CDCA3: variants seen among roughly 807,000 people sequenced by gnomAD.
The protein encoded by CDCA3 is cell division cycle-associated protein 3.
CDCA3 carries 16 observed loss-of-function variants against 29.1 expected under a neutral mutation model. The ratio of observed to expected loss-of-function variants is 0.55; its 90% CI spans 0.37 to 0.83. CDCA3 has a LOEUF of 0.83. CDCA3 is among the 40% of genes least tolerant of loss of function. The probability of loss-of-function intolerance (pLI) is 0.00; values close to 1 mark genes in which losing one functional copy is unlikely to be tolerated. For missense variants in CDCA3, 291 were observed against 327.2 expected, an observed-to-expected ratio of 0.89 and a Z score of 0.85; for synonymous variants, 88 against 124.5, an observed-to-expected ratio of 0.71 and a Z score of 1.95.
chr12:6,847,667 T>C (rs781814664), downstream of CDCA3, among the ~76,000 whole-genome samples: 10 of 152,160 alleles, frequency 6.6e-5, no homozygotes, highest in Non-Finnish European at 1.5e-4. Flanking sequence ...AGGTCTTGAA[T>C]GTCAAGCCAG....
rs367726225 is a variant in CDCA3 at position 6,850,485 on chromosome 12, T to C, written c.232A>G (p.Met78Val). 44 of 1,614,022 alleles carry C rather than the reference T, an allele frequency of 2.7e-5. No individual in the cohort carries two copies. The African/African-American group carries it at 3.3e-4, about 12-fold the overall frequency. The change falls in exon 3 of 6, where the codon ATG becomes GTG. Residue 78 changes from methionine to valine, a missense_variant. Transcript: ENST00000538862. The surrounding 1 kb of genome is among the most constrained non-coding windows in gnomAD (Gnocchi z 4.7). Reference sequence around the variant, plus strand: ...CGCTTACCTCCACTGCTGGTCTTCATAGGTGTCCGTGCAATACCAAGAGTA... The same window carrying C: ...CGCTTACCTCCACTGCTGGTCTTCACAGGTGTCCGTGCAATACCAAGAGTA... ...SPTLGIARTP[M>V]KTSSGDPPSP...
Position 6,848,830 on chromosome 12 carries a change from C to T in CDCA3, c.*213G>A, listed in dbSNP as rs782635325. On this transcript the variant is annotated 3_prime_UTR_variant, in exon 6 of 6. Coordinates refer to ENST00000538862, the MANE Select transcript of CDCA3 (RefSeq NM_031299.7). ...AAACTCGGTGCAAGGTTTACATATA[C>T]CTTTTTAAAGTAACATTTAAAATTA... The T allele has an allele frequency of 8.2e-5, 47 of 570,272 alleles. No homozygotes were observed. The highest frequency in any genetic ancestry group is 7.1e-4 in the African/African-American group (38 of 53,348). 35.3% of individuals were successfully genotyped at this position (570,272 alleles called of 1,614,324 possible).
chr12:6,846,984 A>G (rs1943718922), downstream of CDCA3: 1 of 768,004 alleles, frequency 1.3e-6, no homozygotes, highest in Non-Finnish European at 2.2e-6. Flanking sequence ...GTTCTCTTCT[A>G]TATTCCGGGT....
Position 6,849,924 on chromosome 12 carries a change from T to C in CDCA3, c.251-66A>G, listed in dbSNP as rs11064429. ...ACAACATTCAGCAAGGAGCAAAACA[T>C]ACAGAAACCCAGGACTCATGCCCAG... On this transcript the variant is annotated intron_variant, in intron 3 of 5. Transcript: ENST00000538862. This position sits in a 1 kb window ranked among gnomAD's most constrained non-coding sequence, Gnocchi z 5.2. 9.5e-3 allele frequency: 13,076 copies of C among 1,369,386 alleles called. 1,715 individuals carry two copies. The East Asian group carries it at 0.28, about 29-fold the overall frequency. The allele number at this position is 1,369,386 out of a possible 1,614,324, so 84.8% of individuals were successfully genotyped here. A position where few individuals can be genotyped will look rare whatever the true frequency, so the allele number is the denominator to read the frequency against.
Position 6,849,622 on chromosome 12 carries a change from CAG to C in CDCA3, c.485_486del (p.Pro162ArgfsTer14). 6.2e-7 allele frequency: 1 copy of C among 1,614,072 alleles called. No homozygotes were observed. Among genetic ancestry groups the C allele is most frequent in the Non-Finnish European group, 8.5e-7 (1 of 1,179,970 alleles). On this transcript the variant is annotated frameshift_variant, in exon 4 of 6. Transcript: ENST00000538862. LOFTEE classifies it high-confidence loss of function. This position sits in a 1 kb window ranked among gnomAD's most constrained non-coding sequence, Gnocchi z 5.2. ...KEEARQPTETPVASQSSDKPS... is the reference protein window; with the variant it reads ...KEEARQPTETXVASQSSDKPS... ...GGCTTGTCGGAGCTCTGGCTGGCCA[CAG>C]GGGTTTCTGTGGGCTGTCTTGCTTC...
In CDCA3 at chr12:6,849,633, G is replaced by A. The variant is rs782631792; in HGVS notation, c.476C>T (p.Thr159Ile). The change falls in exon 4 of 6, where the codon ACA (threonine) becomes ATA (isoleucine). Residue 159 changes from threonine to isoleucine, a missense_variant. Transcript: ENST00000538862. This position sits in a 1 kb window ranked among gnomAD's most constrained non-coding sequence, Gnocchi z 5.2. Reference protein sequence around the residue: ...VFSKEEARQPTETPVASQSSD... With the variant: ...VFSKEEARQPIETPVASQSSD... Reference sequence around the variant, plus strand: ...GCTCTGGCTGGCCACAGGGGTTTCTGTGGGCTGTCTTGCTTCCTCCTTGGA... The same window carrying A: ...GCTCTGGCTGGCCACAGGGGTTTCTATGGGCTGTCTTGCTTCCTCCTTGGA... 7.4e-6 allele frequency: 12 copies of A among 1,614,158 alleles called. No individual in the cohort carries two copies. The highest frequency in any genetic ancestry group is 1.0e-5 in the Non-Finnish European group (12 of 1,180,006).
downstream of CDCA3, chr12:6,848,756 G>A (rs1943754044): frequency 4.8e-6 from 2 of 418,814 alleles, no homozygotes; most frequent in East Asian, 4.7e-5. Context: ...GCATCAGTGG[G>A]CTCAGGCCAG....
In CDCA3 at chr12:6,850,520, G is replaced by A; in HGVS notation, c.197C>T (p.Pro66Leu). ...TGCAATACCAAGAGTAGGAGAGCGG[G>A]GATCTGAGTCCTGGGCATGTTTAAG... ...EGLKHAQDSD[P>L]RSPTLGIART... is the part of the protein sequence containing the mutation. Residue 66 changes from proline (P) to leucine (L), a missense_variant, in exon 3 of 6, where the codon CCC becomes CTC. Pro to Leu is a moderately conservative substitution (Grantham distance 98, BLOSUM62 -3). Transcript: ENST00000538862. This position sits in a 1 kb window ranked among gnomAD's most constrained non-coding sequence, Gnocchi z 4.7. The A allele has an allele frequency of 6.2e-7, 1 of 1,614,066 alleles. No homozygotes were observed. The highest frequency in any genetic ancestry group is 8.5e-7 in the Non-Finnish European group (1 of 1,179,994).
At chr12:6,848,213 G>T (rs1478173975), downstream of CDCA3, 1 of 152,020 alleles carries the variant, frequency 6.6e-6, no homozygotes, top group African/African-American at 2.4e-5. Flanking sequence ...TTAGCCAGGC[G>T]TGGTGGCTCA....
At chr12:6,845,296 G>C (rs1212766017), downstream of CDCA3, 1 of 378,158 alleles carries the variant, frequency 2.6e-6, no homozygotes, top group Non-Finnish European at 4.9e-6. Flanking sequence ...ACCTCCGTCC[G>C]CCCTTCTAGC....
downstream of CDCA3, chr12:6,848,799 C>A: frequency 2.0e-6 from 1 of 505,484 alleles, no homozygotes; most frequent in Non-Finnish European, 3.5e-6. Flanking sequence ...CCATTCTACA[C>A]ACAGAAAACT....
rs374833906 is a variant in CDCA3 at position 6,850,024 on chromosome 12, G to A, written c.251-166C>T. 2.1e-4 allele frequency among the ~76,000 whole-genome samples: 32 copies of A among 150,852 alleles called. No homozygotes were observed. Among genetic ancestry groups the A allele is most frequent in the African/African-American group, 7.1e-4 (29 of 41,098 alleles). On this transcript the variant is annotated intron_variant, in intron 3 of 5. Transcript: ENST00000538862. This position sits in a 1 kb window ranked among gnomAD's most constrained non-coding sequence, Gnocchi z 4.7. ...GAGCAATTTTTTTTTTTTTTGAGATGGGGCTTGCTCTGTCCCCCAGGCTGG... is the reference window on the plus strand; with the variant it reads ...GAGCAATTTTTTTTTTTTTTGAGATAGGGCTTGCTCTGTCCCCCAGGCTGG...
downstream of CDCA3, chr12:6,846,591 A>G: frequency 2.1e-6 from 1 of 483,504 alleles, no homozygotes; most frequent in Non-Finnish European, 3.7e-6. Flanking sequence ...CGAGTCTAGG[A>G]TCCCTGCATG....
In CDCA3 at chr12:6,848,868, T is replaced by C; in HGVS notation, c.*175A>G. ...ACATTTAAAATTACTTCCTTTAATA[T>C]AAAAGAAACACACAAGACACAAAGA... On this transcript the variant is annotated 3_prime_UTR_variant, in exon 6 of 6. Coordinates refer to ENST00000538862, the MANE Select transcript of CDCA3 (RefSeq NM_031299.7). 2 of 582,826 alleles carry C rather than the reference T, an allele frequency of 3.4e-6. No homozygotes were observed. The highest frequency in any genetic ancestry group is 2.9e-5 in the East Asian group (1 of 35,000). The allele number at this position is 582,826 out of a possible 1,614,324, so 36.1% of individuals were successfully genotyped here. A position where few individuals can be genotyped will look rare whatever the true frequency, so the allele number is the denominator to read the frequency against.
chr12:6,849,884 G>C lies in CDCA3; in HGVS notation c.251-26C>G. On this transcript the variant is annotated intron_variant, in intron 3 of 5. Coordinates refer to ENST00000538862, the MANE Select transcript of CDCA3 (RefSeq NM_031299.7). The surrounding 1 kb of genome is among the most constrained non-coding windows in gnomAD (Gnocchi z 5.2). ...CTAGAGGAAGAAAGTGAAGTGAACA[G>C]TGACCTTCTGATACACAACATTCAG... The C allele has an allele frequency of 1.3e-6, 2 of 1,500,304 alleles. No homozygotes were observed. The highest frequency in any genetic ancestry group is 1.8e-6 in the Non-Finnish European group (2 of 1,122,902). 92.9% of individuals were successfully genotyped at this position (1,500,304 alleles called of 1,614,324 possible). A position where few individuals can be genotyped will look rare whatever the true frequency, so the allele number is the denominator to read the frequency against.
rs1943846600 is a variant in CDCA3 at position 6,850,707 on chromosome 12, C to G, written c.121-111G>C. The G allele has an allele frequency of 6.3e-7, 1 of 1,582,238 alleles. No individual in the cohort carries two copies. The highest frequency in any genetic ancestry group is 8.6e-7 in the Non-Finnish European group (1 of 1,158,500). On this transcript the variant is annotated intron_variant, in intron 2 of 5. Coordinates refer to ENST00000538862, the MANE Select transcript of CDCA3 (RefSeq NM_031299.7). This position sits in a 1 kb window ranked among gnomAD's most constrained non-coding sequence, Gnocchi z 4.7. Reference sequence around the variant, plus strand: ...CCTCAGATATCCAGCCTACCCCACACAGATTGAGATTGCAGAAAATAAGGC... The same window carrying G: ...CCTCAGATATCCAGCCTACCCCACAGAGATTGAGATTGCAGAAAATAAGGC...
chr12:6,848,703 A>T (rs782048742), downstream of CDCA3: 8 of 287,928 alleles, frequency 2.8e-5, no homozygotes, highest in East Asian at 7.0e-4. Context: ...ACAGAGCCAT[A>T]GGGACACCAT....
Position 6,848,990 on chromosome 12 carries a change from G to T in CDCA3, c.*53C>A. On this transcript the variant is annotated 3_prime_UTR_variant, in exon 6 of 6. Transcript: ENST00000538862. ...ATCCCTGGGAAAGAAGGGGTGAGAG[G>T]ACACAGATATCACCAGGCCCTGGGT... The T allele has an allele frequency of 2.6e-6, 2 of 761,152 alleles. No individual in the cohort carries two copies. The highest frequency in any genetic ancestry group is 1.4e-5 in the South Asian group (1 of 71,118). 47.1% of individuals were successfully genotyped at this position (761,152 alleles called of 1,614,324 possible). A position where few individuals can be genotyped will look rare whatever the true frequency, so the allele number is the denominator to read the frequency against.
downstream of CDCA3, chr12:6,845,836 T>TGG: frequency 1.3e-6 from 2 of 1,488,070 alleles, no homozygotes; most frequent in Non-Finnish European, 1.9e-6. Context: ...CTTCCTCAGC[T>TGG]GGAAGGACCC....
Sources: allele counts gnomAD v4.1 joint callset (sites outside exome capture counted in the v4.1 genomes callset), GRCh38; gene constraint gnomAD v4.1.1; non-coding constraint Gnocchi (gnomAD v3.1); transcripts MANE v1.5; gene names NCBI Gene and HGNC (gene_info 2026-07-23, HGNC 2026-07-21).